Variants in ST6GAL2 observed in about 807,000 individuals in gnomAD.
The protein encoded by ST6GAL2 is ST6 beta-galactoside alpha-2,6-sialyltransferase 2.
A neutral mutation model predicts 37.5 loss-of-function variants in ST6GAL2; 24 were observed. The ratio of observed to expected loss-of-function variants is 0.64; its 90% confidence interval spans 0.46 to 0.90. The LOEUF (loss-of-function observed/expected upper bound fraction) is 0.90, where lower values mean the gene tolerates loss of function less well. ST6GAL2 is among the 40% of genes least tolerant of loss of function. The probability of loss-of-function intolerance (pLI) is 0.00; values close to 1 mark genes in which losing one functional copy is unlikely to be tolerated. For missense variants in ST6GAL2, 715 were observed against 712.7 expected, an observed-to-expected ratio of 1.00 and a Z score of -0.04; for synonymous variants, 306 against 295.1, an observed-to-expected ratio of 1.04 and a Z score of -0.38.
chr2:106,841,775 C>A (rs949833051), intron 2 of ST6GAL2, among the ~76,000 whole-genome samples: 4 of 152,206 alleles, frequency 2.6e-5, no homozygotes, highest in Middle Eastern at 3.4e-3. Context: ...TGGTGCAGAA[C>A]CTACACCACT....
At chr2:106,848,613 C>A (rs2377688) in intron 1 of ST6GAL2, among the ~76,000 whole-genome samples, 91,791 of 152,138 alleles carry the variant, frequency 0.6, 29,050 homozygotes, top group Non-Finnish European at 0.73. Flanking sequence ...AGTGCCCCCC[C>A]ACACCAGATA....
intron 5 of ST6GAL2, chr2:106,824,741 T>C (rs1000001500): frequency 1.3e-5 from 2 of 152,208 alleles, no homozygotes; most frequent in Non-Finnish European, 2.9e-5. Flanking sequence ...TAGTAATACA[T>C]TACATTGTTT....
intron 5 of ST6GAL2, among the ~76,000 whole-genome samples, chr2:106,815,398 C>G (rs897967621): frequency 1.2e-4 from 18 of 152,144 alleles, no homozygotes; most frequent in African/African-American, 3.6e-4. Flanking sequence ...TTGATAATAT[C>G]AAGCACTCTG....
At chr2:106,884,926 TATATATATACATAC>T (rs1030960379) in intron 1 of ST6GAL2, among the ~76,000 whole-genome samples, 7 of 123,032 alleles carry the variant, frequency 5.7e-5, no homozygotes, top group South Asian at 5.0e-4. Flanking sequence ...TATATATATA[TATATATATACATAC>T]ACACACACAC....
At chr2:106,869,294 G>A (rs1467070070) in intron 1 of ST6GAL2, among the ~76,000 whole-genome samples, 1 of 152,152 alleles carries the variant, frequency 6.6e-6, no homozygotes, top group African/African-American at 2.4e-5. Context: ...GCCTCTGGCA[G>A]CTTCCTTGTG....
chr2:106,858,993 C>T (rs1186621267), intron 1 of ST6GAL2, among the ~76,000 whole-genome samples: 1 of 152,060 alleles, frequency 6.6e-6, no homozygotes, highest in Non-Finnish European at 1.5e-5. Context: ...CAGCAGATGG[C>T]AGCACACGTT....
At chr2:106,822,332 A>G (rs1676036184) in intron 5 of ST6GAL2, among the ~76,000 whole-genome samples, 1 of 152,226 alleles carries the variant, frequency 6.6e-6, no homozygotes. Context: ...ATCAACATAC[A>G]AAAATCAGTA....
intron 5 of ST6GAL2, among the ~76,000 whole-genome samples, chr2:106,816,647 G>C (rs1327554987): frequency 6.6e-6 from 1 of 152,110 alleles, no homozygotes; most frequent in East Asian, 1.9e-4. Flanking sequence ...CCTTAATAAG[G>C]ATATAGGGAG....
rs902183552 is a variant in ST6GAL2, at chr2:106,802,163, G to A, written c.*4515C>T. On this transcript the variant is annotated 3_prime_UTR_variant, in exon 6 of 6. Coordinates refer to ENST00000409382, the MANE Select transcript of ST6GAL2 (RefSeq NM_001142351.2). ...GAGTATGAGTGTGTGGGAAGCGGTT[G>A]GCGGAGGACTGAATTTTTTTTCTTT... The A allele has an allele frequency of 4.0e-5, 6 of 151,830 alleles. No individual in the cohort carries two copies. Among genetic ancestry groups the A allele is most frequent in the Non-Finnish European group, 5.9e-5 (4 of 67,960 alleles). 9.4% of individuals were successfully genotyped at this position (151,830 alleles called of 1,614,324 possible).
At chr2:106,859,059 C>T (rs1677697062) in intron 1 of ST6GAL2, among the ~76,000 whole-genome samples, 1 of 152,204 alleles carries the variant, frequency 6.6e-6, no homozygotes, top group African/African-American at 2.4e-5. Context: ...GACAGTACAA[C>T]ATATGTGCAA....
rs759555817 is a variant in ST6GAL2, at chr2:106,832,633, T to G, written c.1075A>C (p.Ser359Arg). 6.2e-7 allele frequency: 1 copy of G among 1,612,710 alleles called. No individual in the cohort carries two copies. Among genetic ancestry groups the G allele is most frequent in the Non-Finnish European group, 8.5e-7 (1 of 1,179,064 alleles). The change falls in exon 4 of 6, where the codon AGT becomes CGT. Residue 359 changes from serine to arginine, a missense_variant. By Grantham distance (110) the Ser-to-Arg change is moderately radical (BLOSUM62 -1). This residue lies in a region of ST6GAL2 where 512 missense variants were observed against 488.8 expected (regional missense o/e 1.05). Transcript: ENST00000409382. ...AAAATGACGTCTTTATACAGTGAACTGTCAATGAAGTGATGGCTGGGGTTG... is the reference window on the plus strand; with the variant it reads ...AAAATGACGTCTTTATACAGTGAACGGTCAATGAAGTGATGGCTGGGGTTG... ...LTNPSHHFID[S>R]SLYKDVILVA...
rs918818937 is a variant in ST6GAL2, at chr2:106,847,516, G to C, written c.-57-3482C>G. ...TTAGTGTAGACCCCATGTGTTAAGG[G>C]CTCAGGCCTCCAGGAGACTGCCCTC... On this transcript the variant is annotated intron_variant, in intron 1 of 5. Transcript: ENST00000409382. Among the ~76,000 whole-genome samples, 3 of 152,104 alleles carry C rather than the reference G, an allele frequency of 2.0e-5. No homozygotes were observed. In the South Asian group the frequency reaches 6.2e-4, roughly 32 times the overall value.
chr2:106,873,046 C>T lies in ST6GAL2; in HGVS notation c.-58+13047G>A, dbSNP rs1336898126. ...AAAATAAAACTAAACAAAACGCTCA[C>T]TCAGAAGGATGTGAGTCTGGGAAGA... On this transcript the variant is annotated intron_variant, in intron 1 of 5. Coordinates refer to ENST00000409382, the MANE Select transcript of ST6GAL2 (RefSeq NM_001142351.2). 2.6e-5 allele frequency among the ~76,000 whole-genome samples: 4 copies of T among 152,280 alleles called. No homozygotes were observed. In the East Asian group the frequency reaches 7.7e-4, roughly 29 times the overall value.
At chr2:106,835,925 T>C (rs1676617049) in intron 2 of ST6GAL2, among the ~76,000 whole-genome samples, 1 of 152,236 alleles carries the variant, frequency 6.6e-6, no homozygotes, top group Non-Finnish European at 1.5e-5. Flanking sequence ...TTATTTTTAT[T>C]GAATAATGTT....
At position 106,803,389 on chromosome 2, in the gene ST6GAL2, T is replaced by G. The variant is rs1675318524; in HGVS notation, c.*3289A>C. 1 of 152,162 alleles carries G rather than the reference T, an allele frequency of 6.6e-6. No homozygotes were observed. The highest frequency in any genetic ancestry group is 2.4e-5 in the African/African-American group (1 of 41,442). The allele number at this position is 152,162 out of a possible 1,614,324, so 9.4% of individuals were successfully genotyped here. On this transcript the variant is annotated 3_prime_UTR_variant, in exon 6 of 6. Coordinates refer to ENST00000409382, the MANE Select transcript of ST6GAL2 (RefSeq NM_001142351.2). ...AAGCCTGATGCTTACATGCAACTTT[T>G]AATTGACCATCCCTTGGTCCTGAGC...
intron 1 of ST6GAL2, among the ~76,000 whole-genome samples, chr2:106,872,893 A>AT (rs901591956): frequency 5.3e-5 from 8 of 151,720 alleles, no homozygotes; most frequent in East Asian, 1.9e-4. Context: ...ATCGCTGGTA[A>AT]TTTTTTTTTA....
chr2:106,860,115 A>T (rs1193796685), intron 1 of ST6GAL2, among the ~76,000 whole-genome samples: 1 of 151,958 alleles, frequency 6.6e-6, no homozygotes, highest in Non-Finnish European at 1.5e-5. Context: ...CTCAAATGCC[A>T]CCTATTTAGT....
intron 1 of ST6GAL2, among the ~76,000 whole-genome samples, chr2:106,853,272 G>C (rs1408965268): frequency 6.6e-6 from 1 of 152,184 alleles, no homozygotes; most frequent in African/African-American, 2.4e-5. Context: ...GCCTTCGTCA[G>C]AGATAGCTTA....
intron 5 of ST6GAL2, among the ~76,000 whole-genome samples, chr2:106,823,503 A>ATT (rs1265063395): frequency 1.7e-5 from 2 of 114,414 alleles, no homozygotes; most frequent in Non-Finnish European, 4.1e-5. Flanking sequence ...AGAGAGAGAG[A>ATT]GATCGAGAGA....
Sources: gnomAD v4.1 joint callset for allele counts (sites outside exome capture counted in the v4.1 genomes callset) on GRCh38, gnomAD v4.1.1 for gene constraint, gnomAD v4.1.1 regional missense constraint, MANE v1.5 for transcripts, NCBI Gene and HGNC (gene_info 2026-07-23, HGNC 2026-07-21) for gene names.